Variants in DNASE1 observed in about 807,000 individuals in gnomAD.
DNASE1 encodes the protein deoxyribonuclease-1.
Under a neutral mutation model 33.9 loss-of-function variants are expected in DNASE1, and 40 were observed. The observed-to-expected ratio is 1.18, with a 90% CI of 0.92 to 1.54. The LOEUF (loss-of-function observed/expected upper bound fraction) is 1.54. Ranked by LOEUF, DNASE1 falls within the 40% of genes most tolerant of loss-of-function variation. The probability of loss-of-function intolerance (pLI) is 0.00; values close to 1 mark genes in which losing one functional copy is unlikely to be tolerated. For synonymous variants in DNASE1, 216 were observed against 160.0 expected, an observed-to-expected ratio of 1.35 and a Z score of -2.64; for missense variants, 518 against 372.6, an observed-to-expected ratio of 1.39 and a Z score of -3.21.
downstream of DNASE1, chr16:3,658,550 G>A (rs2042860744): frequency 3.5e-6 from 2 of 576,850 alleles, no homozygotes; most frequent in Non-Finnish European, 6.2e-6. Flanking sequence ...GCGCATGCCT[G>A]TAGTCCCAGC....
At chr16:3,647,226 C>G (rs897912513) in intron 1 of DNASE1, among the ~76,000 whole-genome samples, 2 of 147,212 alleles carry the variant, frequency 1.4e-5, no homozygotes, top group Admixed American at 6.8e-5. Flanking sequence ...GCTTTAAAAG[C>G]TTTTGATTTG....
At chr16:3,664,003 C>T in exon 10 of DNASE1, 1 of 387,244 alleles carries the variant, frequency 2.6e-6, no homozygotes, top group Non-Finnish European at 4.6e-6. Context: ...GCGGAAGTTG[C>T]AGTGAGCCGA....
chr16:3,655,302 A>G (rs2042527203), intron 1 of DNASE1, 71 bp from the exon 2 acceptor site: 2 of 1,602,426 alleles, frequency 1.2e-6, no homozygotes, highest in African/African-American at 2.7e-5. Context: ...GCTGGGCTCC[A>G]GAAGGCTGGA....
intron 1 of DNASE1, among the ~76,000 whole-genome samples, chr16:3,629,839 A>C (rs1432992633): frequency 6.6e-6 from 1 of 152,144 alleles, no homozygotes. Context: ...TTTAAAACAG[A>C]GTCTTGCTCT....
At chr16:3,645,080 A>G (rs765852369) in intron 1 of DNASE1, among the ~76,000 whole-genome samples, 8 of 151,992 alleles carry the variant, frequency 5.3e-5, no homozygotes, top group Non-Finnish European at 8.8e-5. Context: ...GTGAGCCAAG[A>G]TTGTGCCACT....
At chr16:3,646,531 A>C (rs2042177083) in intron 1 of DNASE1, among the ~76,000 whole-genome samples, 1 of 151,994 alleles carries the variant, frequency 6.6e-6, no homozygotes, top group Non-Finnish European at 1.5e-5. Flanking sequence ...TCCTCTGAAA[A>C]GGTGACATTT....
intron 1 of DNASE1, among the ~76,000 whole-genome samples, chr16:3,636,114 C>T (rs2041860760): frequency 6.6e-6 from 1 of 151,746 alleles, no homozygotes. Flanking sequence ...ATATTCTGTT[C>T]CATCTTGTTC....
upstream of DNASE1, chr16:3,654,200 T>C (rs2042451937): frequency 1.0e-5 from 4 of 396,572 alleles, no homozygotes; most frequent in Non-Finnish European, 1.8e-5. Context: ...TGTGACCTGG[T>C]CACTCGGGAT....
At chr16:3,622,878 C>CAAAGGTT (rs2041372434) in intron 1 of DNASE1, among the ~76,000 whole-genome samples, 1 of 152,168 alleles carries the variant, frequency 6.6e-6, no homozygotes, top group East Asian at 1.9e-4. Context: ...CTTAATGATG[C>CAAAGGTT]CTTGTAATGA....
At chr16:3,656,950 G>T in intron 5 of DNASE1, 49 bp from the exon 6 acceptor site, 1 of 1,598,024 alleles carries the variant, frequency 6.3e-7, no homozygotes, top group Non-Finnish European at 8.5e-7. Flanking sequence ...CATGGTGACT[G>T]AACCTGCCCC....
At chr16:3,626,897 G>T (rs552478727) in intron 1 of DNASE1, among the ~76,000 whole-genome samples, 1 of 151,964 alleles carries the variant, frequency 6.6e-6, no homozygotes, top group Non-Finnish European at 1.5e-5. Context: ...TTAGAGACAG[G>T]GTCTTGCTAT....
At chr16:3,634,362 GGGACTAC>G in intron 1 of DNASE1, among the ~76,000 whole-genome samples, 1 of 152,116 alleles carries the variant, frequency 6.6e-6, no homozygotes, top group East Asian at 1.9e-4. Context: ...CTGAGTAGCT[GGGACTAC>G]AGGTGCCCGC....
rs777682632 is a variant in DNASE1, at chr16:3,657,691, A to ACCTACTTTCTCTTC, written c.705-26_705-13dup. 65 of 1,613,202 alleles carry ACCTACTTTCTCTTC rather than the reference A, an allele frequency of 4.0e-5. 4 individuals carry two copies. In the South Asian group the frequency reaches 5.4e-4, roughly 13 times the overall value. ...AGCCAGGCCCATGTGTGAAAGGGGA[A>ACCTACTTTCTCTTC]CCTACTTTCTCTTCCCAACACCCAT... On this transcript the variant is annotated intron_variant, in intron 7 of 8. Transcript: ENST00000246949.
chr16:3,658,500 G>T, downstream of DNASE1: 1 of 569,856 alleles, frequency 1.8e-6, no homozygotes, highest in Non-Finnish European at 3.1e-6. Flanking sequence ...TGGCCAAGAT[G>T]GTGAAAACCC....
chr16:3,659,704 C>T (rs1476726842), downstream of DNASE1: 1 of 152,020 alleles, frequency 6.6e-6, no homozygotes, highest in Non-Finnish European at 1.5e-5. Context: ...TGCTGAGACT[C>T]AGCCATTCCA....
At chr16:3,633,988 T>C (rs1025686350) in intron 1 of DNASE1, among the ~76,000 whole-genome samples, 1 of 151,330 alleles carries the variant, frequency 6.6e-6, no homozygotes, top group African/African-American at 2.4e-5. Context: ...TTTTTTGTAT[T>C]TTTAGTAGAG....
At chr16:3,662,213 C>A, downstream of DNASE1, 6 of 1,522,450 alleles carry the variant, frequency 3.9e-6, no homozygotes, top group South Asian at 5.0e-5. Flanking sequence ...GGGTGAAGGT[C>A]ACCCAGACCA....
intron 1 of DNASE1, among the ~76,000 whole-genome samples, chr16:3,648,819 T>C (rs1428403853): frequency 6.6e-6 from 1 of 152,228 alleles, no homozygotes; most frequent in Non-Finnish European, 1.5e-5. Flanking sequence ...ATTGGATGTT[T>C]TATAGGATCT....
chr16:3,627,398 C>G (rs980586246), intron 1 of DNASE1, among the ~76,000 whole-genome samples: 3 of 151,808 alleles, frequency 2.0e-5, no homozygotes, highest in Admixed American at 6.6e-5. Flanking sequence ...CTAAGCCTCC[C>G]GAGTATGGGA....
Sources: gnomAD v4.1 joint callset for allele counts (sites outside exome capture counted in the v4.1 genomes callset) on GRCh38, gnomAD v4.1.1 for gene constraint, MANE v1.5 for transcripts, NCBI Gene and HGNC (gene_info 2026-07-23, HGNC 2026-07-21) for gene names.